The following TUBGCP6 variants were observed in gnomAD, a reference collection of about 807,000 sequenced individuals.
TUBGCP6 encodes the protein gamma-tubulin complex component 6.
A neutral mutation model predicts 175.8 loss-of-function variants in TUBGCP6; 161 were observed. The observed-to-expected ratio is 0.92, with a 90% CI of 0.81 to 1.04. TUBGCP6 has a LOEUF of 1.04. Among genes scored for constraint, TUBGCP6 ranks in the 50% least tolerant of loss-of-function variants. The pLI, the probability that TUBGCP6 is intolerant of heterozygous loss-of-function variation, is 0.00. For missense variants in TUBGCP6, 2,572 were observed against 2,433.0 expected (o/e 1.06, Z -1.20); for synonymous variants, 1,173 against 1,030.5 (o/e 1.14, Z -2.65).
chr22:50,227,793 A>T (rs1275011467), intron 5 of TUBGCP6, 114 bp downstream of exon 5: 1 of 1,430,680 alleles, frequency 7.0e-7, no homozygotes, highest in Non-Finnish European at 9.4e-7. Flanking sequence ...TCGCCTGCTG[A>T]GGGCTGTTCT....
rs1002267567 is a variant in TUBGCP6 at position 50,231,728 on chromosome 22, G to A, written c.1116+1588C>T. Among the ~76,000 whole-genome samples, 5 of 150,500 alleles carry A rather than the reference G, an allele frequency of 3.3e-5. No homozygotes were observed. In the East Asian group the frequency reaches 8.1e-4, roughly 24 times the overall value. Reference sequence around the variant, plus strand: ...CAAAAAATTAGACGGGCGCGGTGGCGGGTGCCTGTAGTCCCAGCTACTCAG... The same window carrying A: ...CAAAAAATTAGACGGGCGCGGTGGCAGGTGCCTGTAGTCCCAGCTACTCAG... On this transcript the variant is annotated intron_variant, in intron 3 of 24. Transcript: ENST00000248846.
rs1328857491 is a variant in TUBGCP6, at chr22:50,221,495, G to A, written c.2864C>T (p.Thr955Ile). Reference protein sequence around the residue: ...PSRPQEYDFSTVLRPAVATSP... With the variant: ...PSRPQEYDFSIVLRPAVATSP... ...GGTGGCCACAGCTGGCCTCAGGACA[G>A]TACTAAAGTCGTACTCCTGTGGCCT... Residue 955 changes from threonine to isoleucine, a missense_variant, in exon 16 of 25, where the codon ACT (threonine) becomes ATT (isoleucine). By Grantham distance (89) the Thr-to-Ile change is moderately conservative (BLOSUM62 -1). Coordinates refer to ENST00000248846, the MANE Select transcript of TUBGCP6 (RefSeq NM_020461.4). The A allele has an allele frequency of 6.3e-7, 1 of 1,587,660 alleles. No individual in the cohort carries two copies.
Position 50,238,153 on chromosome 22 carries a change from GAGAGAC to G in TUBGCP6, c.905+2045_905+2050del, listed in dbSNP as rs1388255532. Among the ~76,000 whole-genome samples, 291 of 150,902 alleles carry G rather than the reference GAGAGAC, an allele frequency of 1.9e-3. 4 individuals are homozygous for G. The highest frequency in any genetic ancestry group is 6.7e-3 in the African/African-American group (274 of 41,050). On this transcript the variant is annotated intron_variant, in intron 2 of 24. Transcript: ENST00000248846. Reference sequence around the variant, plus strand: ...GAAAAAGAAAAGAGAGAGAGAGAGAGAGAGACAGACAGACAGACTTATGAGGGAGAG... The same window carrying G: ...GAAAAAGAAAAGAGAGAGAGAGAGAGAGACAGACAGACTTATGAGGGAGAG...
chr22:50,225,882 T>G lies in TUBGCP6; in HGVS notation c.1895A>C (p.Glu632Ala). 1 of 1,613,404 alleles carries G rather than the reference T, an allele frequency of 6.2e-7. No individual in the cohort carries two copies. The highest frequency in any genetic ancestry group is 1.1e-5 in the South Asian group (1 of 91,048). The change falls in exon 10 of 25, where the codon GAG becomes GCG. Residue 632 changes from glutamate (E) to alanine (A), a missense_variant. By Grantham distance (107) the Glu-to-Ala change is moderately radical (BLOSUM62 -1). Coordinates refer to ENST00000248846, the MANE Select transcript of TUBGCP6 (RefSeq NM_020461.4). The part of the protein sequence containing the change: ...PRISVIFSLE[E>A]LKEIEKDCAV... ...ACAGTCCTTCTCAATCTCCTTCAAC[T>G]CCTCAAGGGAGAAAATCACCGAGAT...
Position 50,226,535 on chromosome 22 carries a change from C to T in TUBGCP6, c.1602-157G>A, listed in dbSNP as rs28373991. Among the ~76,000 whole-genome samples, 30 of 37,008 alleles carry T rather than the reference C, an allele frequency of 8.1e-4. 1 individual carries two copies. Among genetic ancestry groups the T allele is most frequent in the South Asian group, 7.9e-3 (9 of 1,144 alleles). 24.3% of individuals were successfully genotyped at this position (37,008 alleles called of 152,430 possible). A position where few individuals can be genotyped will look rare whatever the true frequency, so the allele number is the denominator to read the frequency against. On this transcript the variant is annotated intron_variant, in intron 7 of 24. Transcript: ENST00000248846. The stretch of plus-strand genomic sequence containing the variant: ...GTGGGGTGTGGCCATCCATGAGGGG[C>T]GGGATGGAGTGGGGGCAGGGTGGGG...
chr22:50,222,393 A>AG, intron 14 of TUBGCP6, 61 bp downstream of exon 14: 1 of 1,601,570 alleles, frequency 6.2e-7, no homozygotes, highest in Non-Finnish European at 8.5e-7. Flanking sequence ...GTGCAGTCTC[A>AG]GGGGGTTTCC....
In TUBGCP6 at chr22:50,243,976, A is replaced by C; in HGVS notation, c.484T>G (p.Ser162Ala). The C allele has an allele frequency of 6.2e-7, 1 of 1,614,120 alleles. No individual in the cohort carries two copies. Among genetic ancestry groups the C allele is most frequent in the Non-Finnish European group, 8.5e-7 (1 of 1,180,044 alleles). ...AAACACTCTTCTCTGGAGATCAGAG[A>C]CTGAACGTCCATCTCAAACACACTC... ...DLSVFEMDVQ[S>A]LISREECLCH... Residue 162 changes from serine to alanine, a missense_variant, in exon 1 of 25, where the codon TCT (serine) becomes GCT (alanine). Ser to Ala is a moderately conservative substitution (Grantham distance 99, BLOSUM62 1). Transcript: ENST00000248846.
At position 50,220,427 on chromosome 22, in the gene TUBGCP6, T is replaced by C. The variant is rs557274172; in HGVS notation, c.3932A>G (p.Gln1311Arg). Residue 1311 changes from glutamine to arginine, a missense_variant, in exon 16 of 25, where the codon CAG becomes CGG. By Grantham distance (43) the Gln-to-Arg change is conservative. Coordinates refer to ENST00000248846, the MANE Select transcript of TUBGCP6 (RefSeq NM_020461.4). The part of the protein sequence containing the change: ...TSQSALSLGA[Q>R]STVLDCGPRL... ...TGGCCCACAGTCCAGCACAGTGCTC[T>C]GTGCTCCCAGGCTGAGCGCTGACTG... The C allele has an allele frequency of 3.7e-6, 6 of 1,609,678 alleles. No individual in the cohort carries two copies. Among genetic ancestry groups the C allele is most frequent in the Non-Finnish European group, 5.1e-6 (6 of 1,178,390 alleles).
Position 50,220,838 on chromosome 22 carries a change from G to A in TUBGCP6, c.3521C>T (p.Ser1174Phe), listed in dbSNP as rs2064507893. The A allele has an allele frequency of 6.3e-7, 1 of 1,591,440 alleles. No homozygotes were observed. Among genetic ancestry groups the A allele is most frequent in the Non-Finnish European group, 8.5e-7 (1 of 1,171,044 alleles). ...VSDASISLGE[S>F]VSDMAPARPR... ...CCGGGCGGGAGCCATGTCTGACACA[G>A]ACTCCCCCAAGCTGATGCTGGCATC... The change falls in exon 16 of 25, where the codon TCT becomes TTT. Residue 1174 changes from serine to phenylalanine, a missense_variant. Coordinates refer to ENST00000248846, the MANE Select transcript of TUBGCP6 (RefSeq NM_020461.4).
At chr22:50,235,820 A>G (rs931856596) in intron 2 of TUBGCP6, among the ~76,000 whole-genome samples, 1 of 151,972 alleles carries the variant, frequency 6.6e-6, no homozygotes, top group African/African-American at 2.4e-5. Flanking sequence ...GGCATCTGTA[A>G]TCCCAGCTGC....
In TUBGCP6 at chr22:50,218,014, G is replaced by GC. The variant is rs1569107513; in HGVS notation, c.5271dup (p.Pro1758AlafsTer73). On this transcript the variant is annotated frameshift_variant, in exon 24 of 25. Transcript: ENST00000248846. LOFTEE classifies it high-confidence loss of function. ...TCTGCACCCCGCGGGCCCCCAGGGG[G>GC]CCCCCAGGCCTGGGAGATGAGCTGG... is the stretch of plus-strand genomic sequence containing the variant. 1 of 1,612,658 alleles carries GC rather than the reference G, an allele frequency of 6.2e-7. No individual in the cohort carries two copies. Among genetic ancestry groups the GC allele is most frequent in the Non-Finnish European group, 8.5e-7 (1 of 1,179,634 alleles).
At chr22:50,242,331 CAT>C (rs1264785875) in intron 1 of TUBGCP6, among the ~76,000 whole-genome samples, 2 of 151,334 alleles carry the variant, frequency 1.3e-5, no homozygotes, top group East Asian at 3.9e-4. Context: ...AAAATACAAA[CAT>C]ATAAAATACA....
At chr22:50,229,187 A>G (rs987877606) in intron 4 of TUBGCP6, among the ~76,000 whole-genome samples, 1 of 152,092 alleles carries the variant, frequency 6.6e-6, no homozygotes, top group Non-Finnish European at 1.5e-5. Context: ...GGGCCCACAC[A>G]GCCCAGGGCC....
At chr22:50,217,875 G>A (rs772468910) in intron 24 of TUBGCP6, 43 bp downstream of exon 24, 83 of 1,606,584 alleles carry the variant, frequency 5.2e-5, no homozygotes, top group East Asian at 8.9e-5. Context: ...TGTGAGCCCC[G>A]CCCTGGCCCC....
chr22:50,221,608 G>C lies in TUBGCP6; in HGVS notation c.2751C>G (p.Leu917=), dbSNP rs749175880. 2.6e-6 allele frequency: 4 copies of C among 1,560,526 alleles called. No homozygotes were observed. In the Admixed American group the frequency reaches 5.5e-5, roughly 21 times the overall value. The change falls in exon 16 of 25, where the codon CTC becomes CTG. Residue 917 remains leucine (L), a synonymous_variant. Coordinates refer to ENST00000248846, the MANE Select transcript of TUBGCP6 (RefSeq NM_020461.4). ...TAATGGTCTGCAGCGCCACCTCCAG[G>C]AGAGGGACCATGCCAGTCTGCACGG... ...EPSVQTGMVP[L]LEVALQTINL...
At position 50,219,392 on chromosome 22, in the gene TUBGCP6, G is replaced by A. The variant is rs760384267; in HGVS notation, c.4380C>T (p.Asp1460=). The A allele has an allele frequency of 1.3e-5, 20 of 1,576,046 alleles. 1 individual carries two copies. In the Admixed American group the frequency reaches 1.5e-4, roughly 12 times the overall value. Residue 1460 remains aspartate (D), a synonymous_variant, in exon 19 of 25, where the codon GAC becomes GAT. Coordinates refer to ENST00000248846, the MANE Select transcript of TUBGCP6 (RefSeq NM_020461.4). ...VLPRAFAFPV[D]PQVQSAADET... is the part of the protein sequence containing the mutation. ...CATCAGCGGCAGACTGGACCTGGGGGTCCACGGGGAAGGCGAAGGCCCGGG... is the reference window on the plus strand; with the variant it reads ...CATCAGCGGCAGACTGGACCTGGGGATCCACGGGGAAGGCGAAGGCCCGGG...
chr22:50,230,184 G>A (rs1192213674), intron 3 of TUBGCP6, among the ~76,000 whole-genome samples: 1 of 152,192 alleles, frequency 6.6e-6, no homozygotes, highest in Admixed American at 6.5e-5. Flanking sequence ...AAAAAGAGCT[G>A]TTAGGCCAAG....
At chr22:50,236,912 T>C (rs1490252124) in intron 2 of TUBGCP6, among the ~76,000 whole-genome samples, 2 of 152,128 alleles carry the variant, frequency 1.3e-5, no homozygotes, top group African/African-American at 2.4e-5. Context: ...AGCACTGCCA[T>C]GGCTGCACAC....
intron 18 of TUBGCP6, 63 bp from the exon 19 acceptor site, chr22:50,219,519 C>T: frequency 1.9e-6 from 3 of 1,588,830 alleles, no homozygotes; most frequent in Non-Finnish European, 2.6e-6. Flanking sequence ...CCCCCATCCA[C>T]AGGAGATGGA....
Sources: allele counts gnomAD v4.1 joint callset (sites outside exome capture counted in the v4.1 genomes callset), GRCh38; gene constraint gnomAD v4.1.1; transcripts MANE v1.5; gene names NCBI Gene and HGNC (gene_info 2026-07-23, HGNC 2026-07-21).